The following MED27 variants were observed in gnomAD, a reference collection of about 807,000 sequenced individuals.
MED27 encodes mediator complex subunit 27, also known as mediator of RNA polymerase II transcription subunit 27.
A neutral mutation model predicts 38.2 loss-of-function variants in MED27; 30 were observed. That is an observed-to-expected ratio of 0.79 (90% CI 0.59 to 1.07). MED27 has a LOEUF of 1.07. Ranked by LOEUF, MED27 falls within the 50% of genes least tolerant of loss-of-function variation. The probability of loss-of-function intolerance (pLI) is 0.00; values close to 1 mark genes in which losing one functional copy is unlikely to be tolerated. For synonymous variants in MED27, 122 were observed against 153.5 expected (o/e 0.79, Z 1.52); for missense variants, 289 against 397.5 (o/e 0.73, Z 2.32).
At chr9:131,896,037 T>C (rs1829827715) in intron 4 of MED27, among the ~76,000 whole-genome samples, 1 of 152,118 alleles carries the variant, frequency 6.6e-6, no homozygotes, top group Non-Finnish European at 1.5e-5. Flanking sequence ...TAGCTGGGAC[T>C]ATAGGTGTGC....
Position 132,029,877 on chromosome 9 carries a change from C to T in MED27, c.349-15410G>A, listed in dbSNP as rs180927257. 8.1e-3 allele frequency among the ~76,000 whole-genome samples: 532 copies of T among 65,580 alleles called. 3 individuals are homozygous for T. The highest frequency in any genetic ancestry group is 0.029 in the African/African-American group (499 of 17,280). The allele number at this position is 65,580 out of a possible 152,430, so 43.0% of individuals were successfully genotyped here. A position where few individuals can be genotyped will look rare whatever the true frequency, so the allele number is the denominator to read the frequency against. ...AAAAAAGTGTCGGTGTGTGTGGGGG[C>T]GGGGGAGGGGAGCAGAGCATGGCCC... On this transcript the variant is annotated intron_variant, in intron 2 of 7. Coordinates refer to ENST00000292035, the MANE Select transcript of MED27 (RefSeq NM_004269.4).
At chr9:131,890,629 CCTCCCAGACAGGA>C (rs1477539445) in intron 5 of MED27, among the ~76,000 whole-genome samples, 8 of 152,216 alleles carry the variant, frequency 5.3e-5, no homozygotes, top group African/African-American at 1.9e-4. Flanking sequence ...TTCATCATCT[CCTCCCAGACAGGA>C]CTGGGCTCCT....
rs374607920 is a variant in MED27 at position 132,006,397 on chromosome 9, C to T, written c.479+7940G>A. Among the ~76,000 whole-genome samples, 15 of 152,262 alleles carry T rather than the reference C, an allele frequency of 9.9e-5. No homozygotes were observed. In the South Asian group the frequency reaches 1.5e-3, roughly 15 times the overall value. On this transcript the variant is annotated intron_variant, in intron 3 of 7. Transcript: ENST00000292035. ...AATTCAACTCCAATAAAAAGAGATG[C>T]CAGATATTCTTGTTCAAGGTTCCTG...
chr9:131,967,952 G>C (rs1483579349), intron 3 of MED27, among the ~76,000 whole-genome samples: 1 of 151,642 alleles, frequency 6.6e-6, no homozygotes, highest in Non-Finnish European at 1.5e-5. Flanking sequence ...TGATTAGCTG[G>C]GACTACAGGC....
chr9:131,921,502 G>A (rs986328881), intron 4 of MED27, among the ~76,000 whole-genome samples: 11 of 152,156 alleles, frequency 7.2e-5, no homozygotes, highest in African/African-American at 2.2e-4. Flanking sequence ...TTAAAATGGC[G>A]ATAATTAAAA....
chr9:131,869,533 C>T, intron 6 of MED27: 1 of 510,870 alleles, frequency 2.0e-6, no homozygotes, highest in South Asian at 8.2e-5. Flanking sequence ...CCAGGAAGGG[C>T]ACTAATGCTC....
At chr9:132,079,060 A>G (rs1834116789) in intron 1 of MED27, among the ~76,000 whole-genome samples, 1 of 152,142 alleles carries the variant, frequency 6.6e-6, no homozygotes, top group African/African-American at 2.4e-5. Flanking sequence ...TCTACTGCGG[A>G]AGGAACTCCC....
At chr9:132,063,718 T>A (rs896586286) in intron 2 of MED27, among the ~76,000 whole-genome samples, 1 of 152,054 alleles carries the variant, frequency 6.6e-6, no homozygotes, top group Non-Finnish European at 1.5e-5. Context: ...GTGAAGGGAA[T>A]CTAGTTAGGC....
chr9:132,072,123 T>C (rs1482127444), intron 2 of MED27, among the ~76,000 whole-genome samples: 1 of 152,212 alleles, frequency 6.6e-6, no homozygotes, highest in African/African-American at 2.4e-5. Flanking sequence ...TGAGTACACA[T>C]GCGTACAAGT....
chr9:131,937,378 G>A (rs751295227), intron 4 of MED27, among the ~76,000 whole-genome samples: 5 of 152,140 alleles, frequency 3.3e-5, no homozygotes, highest in African/African-American at 7.2e-5. Context: ...CTAGATCCAC[G>A]TGTCTGAATT....
intron 3 of MED27, among the ~76,000 whole-genome samples, chr9:131,999,974 C>G (rs1564318820): frequency 6.6e-6 from 1 of 151,960 alleles, no homozygotes; most frequent in Non-Finnish European, 1.5e-5. Flanking sequence ...AGGACGCTCA[C>G]CAATCAATCA....
chr9:131,995,416 T>A (rs1257714418), intron 3 of MED27, among the ~76,000 whole-genome samples: 1 of 151,786 alleles, frequency 6.6e-6, no homozygotes, highest in Non-Finnish European at 1.5e-5. Flanking sequence ...AAATAACCCA[T>A]CTACCAATGA....
chr9:132,002,561 T>C lies in MED27; in HGVS notation c.479+11776A>G, dbSNP rs529367050. Among the ~76,000 whole-genome samples, 29 of 152,272 alleles carry C rather than the reference T, an allele frequency of 1.9e-4. No homozygotes were observed. In the South Asian group the frequency reaches 3.3e-3, roughly 17 times the overall value. On this transcript the variant is annotated intron_variant, in intron 3 of 7. Transcript: ENST00000292035. ...TGACTTATAACCCTAACCAGGGACT[T>C]GCTTTCTGGGCCGAAATCTATATGG...
At chr9:131,949,612 A>C (rs1830950566) in intron 3 of MED27, among the ~76,000 whole-genome samples, 1 of 152,228 alleles carries the variant, frequency 6.6e-6, no homozygotes, top group African/African-American at 2.4e-5. Context: ...CATTTTTGTC[A>C]TTCTTCAGGT....
chr9:131,876,429 AG>A, intron 6 of MED27, among the ~76,000 whole-genome samples: 1 of 152,338 alleles, frequency 6.6e-6, no homozygotes, highest in African/African-American at 2.4e-5. Flanking sequence ...GCTCACACTC[AG>A]CAGGGGCTGA....
intron 3 of MED27, among the ~76,000 whole-genome samples, chr9:131,968,710 T>C (rs980942628): frequency 6.6e-6 from 1 of 152,166 alleles, no homozygotes; most frequent in African/African-American, 2.4e-5. Context: ...TTTGTGAATC[T>C]AGAGCAGGAG....
intron 3 of MED27, among the ~76,000 whole-genome samples, chr9:132,001,477 T>A (rs947646150): frequency 1.3e-5 from 2 of 152,200 alleles, no homozygotes; most frequent in African/African-American, 2.4e-5. Flanking sequence ...GCATTATGCT[T>A]AGTCATAGAT....
intron 3 of MED27, among the ~76,000 whole-genome samples, chr9:132,013,076 C>A (rs551775500): frequency 6.6e-6 from 1 of 152,190 alleles, no homozygotes; most frequent in South Asian, 2.1e-4. Context: ...GCATCTGGCC[C>A]TCCCAGAGGA....
At chr9:131,958,430 T>C (rs1831149477) in intron 3 of MED27, among the ~76,000 whole-genome samples, 1 of 152,052 alleles carries the variant, frequency 6.6e-6, no homozygotes, top group South Asian at 2.1e-4. Flanking sequence ...GTATTTTTAG[T>C]AGAGACAAGG....
Sources: allele counts gnomAD v4.1 joint callset (sites outside exome capture counted in the v4.1 genomes callset), GRCh38; gene constraint gnomAD v4.1.1; transcripts MANE v1.5; gene names NCBI Gene and HGNC (gene_info 2026-07-23, HGNC 2026-07-21).